Variants in ARHGAP18 observed in about 807,000 individuals in gnomAD.
ARHGAP18 encodes rho GTPase-activating protein 18.
ARHGAP18 carries 67 observed loss-of-function variants against 86.2 expected under a neutral mutation model. The ratio of observed to expected loss-of-function variants is 0.78; its 90% CI spans 0.64 to 0.95. The LOEUF (loss-of-function observed/expected upper bound fraction) is 0.95, where lower values mean the gene tolerates loss of function less well. Ranked by LOEUF, ARHGAP18 falls within the 40% of genes least tolerant of loss-of-function variation. The pLI is 0.00. For synonymous variants in ARHGAP18, 283 were observed against 280.4 expected, an observed-to-expected ratio of 1.01 and a Z score of -0.09; for missense variants, 691 against 780.4, an observed-to-expected ratio of 0.89 and a Z score of 1.37.
chr6:129,682,402 C>A (rs1200238387), intron 1 of ARHGAP18, among the ~76,000 whole-genome samples: 2 of 152,160 alleles, frequency 1.3e-5, no homozygotes, highest in South Asian at 2.1e-4. Context: ...CTCTGGCAGA[C>A]CCCCAGAACA....
At chr6:129,613,169 C>T (rs1039377761) in intron 7 of ARHGAP18, among the ~76,000 whole-genome samples, 1 of 148,260 alleles carries the variant, frequency 6.7e-6, no homozygotes, top group Non-Finnish European at 1.5e-5. Context: ...AGAGGCGGAG[C>T]TTGCAGTGAG....
chr6:129,634,095 C>A lies in ARHGAP18; in HGVS notation c.563G>T (p.Gly188Val). 1.2e-6 allele frequency: 2 copies of A among 1,613,440 alleles called. 1 individual carries two copies. The highest frequency in any genetic ancestry group is 2.2e-5 in the South Asian group (2 of 91,002). ...TGTTCTAAGTGACTGCGATTCAGTG[C>A]CACCTGGAGCCTAAACATAGAAAAC... The part of the protein sequence containing the change: ...QRESKETAPG[G>V]TESQSLRTNE... Residue 188 changes from glycine to valine, a missense_variant, in exon 4 of 15, where the codon GGC becomes GTC. Gly to Val is a moderately radical substitution (Grantham distance 109). Coordinates refer to ENST00000368149, the MANE Select transcript of ARHGAP18 (RefSeq NM_033515.3).
In ARHGAP18 at chr6:129,642,838, C is replaced by T. The variant is rs1032643190; in HGVS notation, c.114-820G>A. 4.3e-4 allele frequency among the ~76,000 whole-genome samples: 65 copies of T among 152,126 alleles called. 1 individual carries two copies. Among genetic ancestry groups the T allele is most frequent in the African/African-American group, 1.4e-3 (60 of 41,514 alleles). ...GATTTAAGTTTGCTGTTATAATCTA[C>T]TGTAGAAAGAAATTTCTAATCTTTA... is the stretch of plus-strand genomic sequence containing the variant. On this transcript the variant is annotated intron_variant, in intron 1 of 14. Transcript: ENST00000368149.
chr6:129,629,285 GTATATGTGTGTGTGTATA>G, intron 5 of ARHGAP18, 50 bp downstream of exon 5: 2 of 1,300,040 alleles, frequency 1.5e-6, no homozygotes, highest in South Asian at 2.7e-5. Context: ...GTGTGTGTAT[GTATATGTGTGTGTGTATA>G]TATATGTATA....
intron 12 of ARHGAP18, among the ~76,000 whole-genome samples, chr6:129,585,019 C>T (rs80346758): frequency 1.0e-5 from 1 of 99,178 alleles, no homozygotes; most frequent in Non-Finnish European, 1.9e-5. Context: ...AATATCATGT[C>T]CTTTTTTTTT....
chr6:129,586,442 G>T (rs6935162), intron 12 of ARHGAP18, among the ~76,000 whole-genome samples: 41,717 of 151,690 alleles, frequency 0.28, 5,928 homozygotes, highest in South Asian at 0.4. Flanking sequence ...TATTGTGGAG[G>T]GACTTGAACG....
In ARHGAP18 at chr6:129,605,906, G is replaced by A. The variant is rs1584039451; in HGVS notation, c.1336C>T (p.Leu446=). Residue 446 remains leucine (L), a synonymous_variant, in exon 10 of 15, where the codon CTA becomes TTA. Transcript: ENST00000368149. ...LQALNLLVIL[L]PDANRDTLKA... The stretch of plus-strand genomic sequence containing the variant: ...AGTGTGTCCCTGTTTGCATCAGGTA[G>A]GAGGATGACAAGAAGGTTCAAAGCC... 1 of 1,613,546 alleles carries A rather than the reference G, an allele frequency of 6.2e-7. No homozygotes were observed. Among genetic ancestry groups the A allele is most frequent in the Non-Finnish European group, 8.5e-7 (1 of 1,179,592 alleles).
intron 2 of ARHGAP18, among the ~76,000 whole-genome samples, chr6:129,640,060 AAAAACAAAC>A (rs1773420489): frequency 6.6e-6 from 1 of 150,898 alleles, no homozygotes; most frequent in Admixed American, 6.6e-5. Context: ...AAAAAAAAAA[AAAAACAAAC>A]AAAAGTCAGC....
intron 2 of ARHGAP18, among the ~76,000 whole-genome samples, chr6:129,641,316 T>C (rs1279288049): frequency 1.3e-5 from 2 of 152,198 alleles, no homozygotes; most frequent in Admixed American, 6.5e-5. Flanking sequence ...TAGAAGAGCC[T>C]TCTTCTGTTC....
intron 12 of ARHGAP18, among the ~76,000 whole-genome samples, chr6:129,590,606 AC>A (rs1554332339): frequency 6.6e-6 from 1 of 152,164 alleles, no homozygotes; most frequent in Non-Finnish European, 1.5e-5. Context: ...AGGTTAAGCC[AC>A]CTTTGAGCTC....
chr6:129,584,883 T>C (rs1200456816), intron 12 of ARHGAP18, among the ~76,000 whole-genome samples: 2 of 152,196 alleles, frequency 1.3e-5, no homozygotes, highest in African/African-American at 4.8e-5. Flanking sequence ...CTTTAAATAA[T>C]ACAAATACCC....
chr6:129,647,859 TC>T (rs1177343011), intron 1 of ARHGAP18, among the ~76,000 whole-genome samples: 1 of 152,196 alleles, frequency 6.6e-6, no homozygotes, highest in East Asian at 1.9e-4. Flanking sequence ...CAAGGTTAAA[TC>T]TTCCCCAATT....
chr6:129,657,304 A>G (rs1210079144), intron 1 of ARHGAP18, among the ~76,000 whole-genome samples: 1 of 152,176 alleles, frequency 6.6e-6, no homozygotes, highest in African/African-American at 2.4e-5. Flanking sequence ...TTATGCTAAT[A>G]AAAGGGGATA....
chr6:129,703,845 T>G lies in ARHGAP18; in HGVS notation c.113+6179A>C, dbSNP rs565380326. ...CCCCATGGACAGGTTTAAATCCATTTAGTCACTAAATTCTATGAAATTAGA... is the reference window on the plus strand; with the variant it reads ...CCCCATGGACAGGTTTAAATCCATTGAGTCACTAAATTCTATGAAATTAGA... On this transcript the variant is annotated intron_variant, in intron 1 of 14. Transcript: ENST00000368149. Among the ~76,000 whole-genome samples, 10 of 152,370 alleles carry G rather than the reference T, an allele frequency of 6.6e-5. No individual in the cohort carries two copies. In the South Asian group the frequency reaches 2.1e-3, roughly 32 times the overall value.
chr6:129,675,624 C>T (rs1350965732), intron 1 of ARHGAP18, among the ~76,000 whole-genome samples: 3 of 152,148 alleles, frequency 2.0e-5, no homozygotes, highest in African/African-American at 7.2e-5. Context: ...GCACAGCCAC[C>T]TGCCTTTTCC....
chr6:129,586,342 C>T (rs1483338907), intron 12 of ARHGAP18, among the ~76,000 whole-genome samples: 1 of 152,128 alleles, frequency 6.6e-6, no homozygotes, highest in East Asian at 1.9e-4. Context: ...GTAAGCACAA[C>T]AATATTGGTA....
At chr6:129,626,580 G>A (rs746103761) in intron 5 of ARHGAP18, among the ~76,000 whole-genome samples, 1 of 151,448 alleles carries the variant, frequency 6.6e-6, no homozygotes, top group African/African-American at 2.4e-5. Flanking sequence ...ATGGCTTAAC[G>A]ATACAAAGAG....
chr6:129,706,953 G>A (rs183697883), intron 1 of ARHGAP18, among the ~76,000 whole-genome samples: 15 of 150,814 alleles, frequency 9.9e-5, no homozygotes, highest in East Asian at 3.9e-4. Flanking sequence ...CAGGCTGGGC[G>A]CAGTGGCTCA....
chr6:129,672,097 G>GCACACACA (rs367772541), intron 1 of ARHGAP18, among the ~76,000 whole-genome samples: 2 of 151,692 alleles, frequency 1.3e-5, no homozygotes, highest in Admixed American at 6.6e-5. Context: ...ACGTACACGC[G>GCACACACA]CACACACACA....
Sources: allele counts gnomAD v4.1 joint callset (sites outside exome capture counted in the v4.1 genomes callset), GRCh38; gene constraint gnomAD v4.1.1; transcripts MANE v1.5; gene names NCBI Gene and HGNC (gene_info 2026-07-23, HGNC 2026-07-21).